CAMSAP2: variants seen among roughly 807,000 people sequenced by gnomAD.
CAMSAP2 encodes calmodulin-regulated spectrin-associated protein 2.
A neutral mutation model predicts 146.1 loss-of-function variants in CAMSAP2; 26 were observed. The observed-to-expected ratio is 0.18, with a 90% confidence interval of 0.13 to 0.25. The LOEUF (loss-of-function observed/expected upper bound fraction) is 0.25. Among genes scored for constraint, CAMSAP2 ranks in the 10% least tolerant of loss-of-function variants. CAMSAP2 has a pLI of 1.00. For missense variants in CAMSAP2, 1,381 were observed against 1,759.3 expected (o/e 0.78, Z 3.85); for synonymous variants, 499 against 596.6 (o/e 0.84, Z 2.38).
At chr1:200,775,153 C>G (rs1665236449) in intron 2 of CAMSAP2, among the ~76,000 whole-genome samples, 1 of 152,192 alleles carries the variant, frequency 6.6e-6, no homozygotes, top group Admixed American at 6.5e-5. Flanking sequence ...GATATTTGAA[C>G]TGAGACCTAA....
At chr1:200,836,490 C>T (rs1216299261) in intron 6 of CAMSAP2, among the ~76,000 whole-genome samples, 3 of 152,112 alleles carry the variant, frequency 2.0e-5, no homozygotes, top group South Asian at 2.1e-4. Context: ...TCCAGTCTAG[C>T]GTCAATGGGC....
rs1213870698 is a variant in CAMSAP2 at position 200,857,473 on chromosome 1, T to G, written c.4131+49T>G. ...AAATTTGGCAAACTGTAGAAGTCTTTTATCCATTCAAGAGAATGTACTCTC... is the reference window on the plus strand; with the variant it reads ...AAATTTGGCAAACTGTAGAAGTCTTGTATCCATTCAAGAGAATGTACTCTC... On this transcript the variant is annotated intron_variant, in intron 16 of 16. Transcript: ENST00000358823. The surrounding 1 kb of genome is among the most constrained non-coding windows in gnomAD (Gnocchi z 4.7). 3.9e-6 allele frequency: 5 copies of G among 1,284,622 alleles called. No homozygotes were observed. The highest frequency in any genetic ancestry group is 3.4e-6 in the Non-Finnish European group (3 of 881,924). 79.6% of individuals were successfully genotyped at this position (1,284,622 alleles called of 1,614,324 possible).
At chr1:200,855,620 G>T (rs542014997) in intron 14 of CAMSAP2, among the ~76,000 whole-genome samples, 6 of 150,888 alleles carry the variant, frequency 4.0e-5, no homozygotes, top group African/African-American at 1.5e-4. Context: ...TTTTTGAGAC[G>T]GAGTCTTTCT....
intron 3 of CAMSAP2, among the ~76,000 whole-genome samples, chr1:200,808,695 TAC>T (rs1240442984): frequency 6.6e-6 from 1 of 152,192 alleles, no homozygotes; most frequent in African/African-American, 2.4e-5. Flanking sequence ...CACATCCCAT[TAC>T]AGACTTCCCA....
intron 2 of CAMSAP2, among the ~76,000 whole-genome samples, chr1:200,787,357 A>G (rs1387504995): frequency 6.6e-6 from 1 of 152,210 alleles, no homozygotes; most frequent in African/African-American, 2.4e-5. Flanking sequence ...AGTTGGGAAG[A>G]AGTTGATTTC....
intron 6 of CAMSAP2, among the ~76,000 whole-genome samples, chr1:200,833,343 T>C (rs1476130640): frequency 6.6e-6 from 1 of 152,114 alleles, no homozygotes; most frequent in Non-Finnish European, 1.5e-5. Flanking sequence ...GGCAGATAGC[T>C]TGAGCTCAGG....
intron 6 of CAMSAP2, among the ~76,000 whole-genome samples, chr1:200,836,927 C>T (rs1223036048): frequency 6.6e-6 from 1 of 152,072 alleles, no homozygotes; most frequent in East Asian, 1.9e-4. Context: ...CCTTTGCCCA[C>T]TTCTTAATGA....
chr1:200,764,479 A>G (rs993860166), intron 2 of CAMSAP2, among the ~76,000 whole-genome samples: 7 of 152,214 alleles, frequency 4.6e-5, no homozygotes, highest in African/African-American at 1.7e-4. Context: ...ATAAATGGTA[A>G]CTTTCATATC....
intron 1 of CAMSAP2, among the ~76,000 whole-genome samples, chr1:200,754,930 T>G (rs1375341434): frequency 6.6e-6 from 1 of 152,180 alleles, no homozygotes; most frequent in South Asian, 2.1e-4. Context: ...ATAGACTCAT[T>G]GATGCGTGTT....
intron 7 of CAMSAP2, among the ~76,000 whole-genome samples, chr1:200,844,213 C>T (rs973958471): frequency 6.6e-6 from 1 of 151,400 alleles, no homozygotes; most frequent in African/African-American, 2.4e-5. Context: ...TTATGTTAGG[C>T]TTTTTCCCCC....
chr1:200,739,925 C>G lies in CAMSAP2; in HGVS notation c.98C>G (p.Ala33Gly). The part of the protein sequence containing the change: ...DHYDFSRAKI[A>G]CNLAWLVAKA... ...TATGATTTCTCCAGGGCCAAAATCG[C>G]CTGCAATCTGGCCTGGCTGGTGGCC... is the stretch of plus-strand genomic sequence containing the variant. Residue 33 changes from alanine (A) to glycine (G), a missense_variant, in exon 1 of 17, where the codon GCC becomes GGC. This residue lies in a region of CAMSAP2 where 284 missense variants were observed against 406.9 expected (regional missense o/e 0.70). Transcript: ENST00000358823. The surrounding 1 kb of genome is among the most constrained non-coding windows in gnomAD (Gnocchi z 4.8). 1 of 1,614,170 alleles carries G rather than the reference C, an allele frequency of 6.2e-7. No homozygotes were observed. Among genetic ancestry groups the G allele is most frequent in the Non-Finnish European group, 8.5e-7 (1 of 1,180,016 alleles).
intron 6 of CAMSAP2, among the ~76,000 whole-genome samples, chr1:200,833,373 C>A (rs1156813730): frequency 1.3e-5 from 2 of 151,966 alleles, no homozygotes; most frequent in African/African-American, 4.8e-5. Flanking sequence ...CCAGACTGGG[C>A]AACATGGTGA....
chr1:200,817,247 C>T (rs796648754), intron 4 of CAMSAP2, among the ~76,000 whole-genome samples: 1 of 13,850 alleles, frequency 7.2e-5, no homozygotes, highest in African/African-American at 2.0e-4. Flanking sequence ...CACATACACA[C>T]ATATGTGTGT....
intron 6 of CAMSAP2, among the ~76,000 whole-genome samples, chr1:200,840,468 TG>T (rs1350693408): frequency 2.6e-5 from 4 of 152,078 alleles, no homozygotes; most frequent in Non-Finnish European, 5.9e-5. Context: ...CAAGCTATGT[TG>T]CCCAGGCTGG....
rs1664093638 is a variant in CAMSAP2, at chr1:200,739,710, A to G, written c.-118A>G. 1.1e-6 allele frequency: 1 copy of G among 890,348 alleles called. No individual in the cohort carries two copies. Among genetic ancestry groups the G allele is most frequent in the Non-Finnish European group, 1.5e-6 (1 of 667,432 alleles). The allele number at this position is 890,348 out of a possible 1,614,324, so 55.2% of individuals were successfully genotyped here. On this transcript the variant is annotated 5_prime_UTR_variant, in exon 1 of 17. Transcript: ENST00000358823. This position sits in a 1 kb window ranked among gnomAD's most constrained non-coding sequence, Gnocchi z 4.8. ...TTCTCCTCCGTCGGCGCCCGGGCGG[A>G]CATCGCCCGGGCCCCGATGGTTTGA...
intron 4 of CAMSAP2, among the ~76,000 whole-genome samples, chr1:200,823,969 TTTTG>T (rs1176719903): frequency 1.2e-4 from 18 of 152,230 alleles, no homozygotes; most frequent in Non-Finnish European, 1.8e-4. Context: ...GCGTTGTTTA[TTTTG>T]TTGCTCAAAA....
Position 200,853,417 on chromosome 1 carries a change from A to G in CAMSAP2, c.3745A>G (p.Lys1249Glu). Residue 1249 changes from lysine to glutamate, a missense_variant, in exon 13 of 17, where the codon AAA becomes GAA. Transcript: ENST00000358823. This position sits in a 1 kb window ranked among gnomAD's most constrained non-coding sequence, Gnocchi z 5.1. ...TVIKPRPQVV[K>E]QKKQRPKSIH... ...AATTAAACCCCGTCCTCAAGTAGTA[A>G]AACAAAAAAAACAGCGACCAAAATC... 1 of 1,613,958 alleles carries G rather than the reference A, an allele frequency of 6.2e-7. No individual in the cohort carries two copies. The highest frequency in any genetic ancestry group is 8.5e-7 in the Non-Finnish European group (1 of 1,179,914).
intron 2 of CAMSAP2, among the ~76,000 whole-genome samples, chr1:200,798,653 T>A (rs1253483225): frequency 7.0e-6 from 1 of 141,926 alleles, no homozygotes; most frequent in East Asian, 2.1e-4. Flanking sequence ...ATTGAATACC[T>A]TTTATTTCCT....
chr1:200,747,904 G>C (rs938069602), intron 1 of CAMSAP2, among the ~76,000 whole-genome samples: 2 of 150,450 alleles, frequency 1.3e-5, no homozygotes, highest in Non-Finnish European at 3.0e-5. Context: ...GGAGAATGGC[G>C]TGAACCCGGG....
Sources: gnomAD v4.1 joint callset for allele counts (sites outside exome capture counted in the v4.1 genomes callset) on GRCh38, gnomAD v4.1.1 for gene constraint, gnomAD v4.1.1 regional missense constraint, Gnocchi (gnomAD v3.1) non-coding constraint, MANE v1.5 for transcripts, NCBI Gene and HGNC (gene_info 2026-07-23, HGNC 2026-07-21) for gene names.